IQCM: variants seen among roughly 807,000 people sequenced by gnomAD.
The protein encoded by IQCM is IQ domain-containing protein M.
IQCM carries 45 observed loss-of-function variants against 57.6 expected under a neutral mutation model. The ratio of observed to expected loss-of-function variants is 0.78; its 90% CI spans 0.62 to 1.00. IQCM has a LOEUF of 1.00. Ranked by LOEUF, IQCM falls within the 50% of genes least tolerant of loss-of-function variation. The pLI, the probability that IQCM is intolerant of heterozygous loss-of-function variation, is 0.00. For missense variants in IQCM, 468 were observed against 511.6 expected (o/e 0.91, Z 0.82); for synonymous variants, 148 against 158.9 (o/e 0.93, Z 0.51).
At chr4:149,659,066 CTT>C in intron 7 of IQCM, among the ~76,000 whole-genome samples, 1 of 152,026 alleles carries the variant, frequency 6.6e-6, no homozygotes, top group East Asian at 1.9e-4. Flanking sequence ...CTATTTGATT[CTT>C]CTCTCTTTTC....
chr4:149,662,001 G>T (rs1760264377), intron 7 of IQCM, among the ~76,000 whole-genome samples: 2 of 151,406 alleles, frequency 1.3e-5, no homozygotes, highest in South Asian at 2.1e-4. Context: ...AGTTTTTCTT[G>T]GTGTTTTTAG....
chr4:149,581,720 T>G (rs575418933), intron 9 of IQCM, among the ~76,000 whole-genome samples: 1 of 151,858 alleles, frequency 6.6e-6, no homozygotes, highest in South Asian at 2.1e-4. Context: ...TCATTTGAAA[T>G]ACTGTGTTTT....
At chr4:149,402,972 A>T (rs1170409972) in intron 13 of IQCM, among the ~76,000 whole-genome samples, 8 of 151,926 alleles carry the variant, frequency 5.3e-5, no homozygotes, top group Admixed American at 5.3e-4. Context: ...TCAGCATGGT[A>T]CTTGCATTTT....
intron 2 of IQCM, chr4:149,793,703 G>A (rs1772848303): frequency 2.0e-5 from 3 of 151,870 alleles, no homozygotes; most frequent in Admixed American, 1.3e-4. Context: ...CCAGCATTCA[G>A]TCCATGATAG....
chr4:149,813,884 A>T (rs1774817843), intron 2 of IQCM, among the ~76,000 whole-genome samples: 1 of 152,018 alleles, frequency 6.6e-6, no homozygotes, highest in Admixed American at 6.6e-5. Context: ...GGATTTTCTC[A>T]CAAGCTGATA....
rs149424008 is a variant in IQCM at position 149,422,210 on chromosome 4, C to G, written c.1390+11186G>C. 1.4e-4 allele frequency among the ~76,000 whole-genome samples: 21 copies of G among 151,986 alleles called. No homozygotes were observed. The East Asian group carries it at 3.9e-3, about 28-fold the overall frequency. On this transcript the variant is annotated intron_variant, in intron 13 of 13. Coordinates refer to ENST00000636793, the MANE Select transcript of IQCM (RefSeq NM_001363507.2). ...AGATTTCAGAATGAAGTGCTATTTC[C>G]TACTACTTAATATGTGTAGTTGGAA...
chr4:149,487,386 C>T (rs1277045518), intron 12 of IQCM, among the ~76,000 whole-genome samples: 3 of 152,146 alleles, frequency 2.0e-5, no homozygotes, highest in Non-Finnish European at 4.4e-5. Context: ...AACTACACTG[C>T]CTGGGATTGG....
intron 12 of IQCM, among the ~76,000 whole-genome samples, chr4:149,476,772 G>C (rs1313570751): frequency 3.9e-5 from 6 of 152,040 alleles, no homozygotes; most frequent in African/African-American, 1.2e-4. Flanking sequence ...TTAGGAGTCA[G>C]GTATAGGAAA....
At chr4:149,547,718 T>C (rs1233514636) in intron 12 of IQCM, among the ~76,000 whole-genome samples, 2 of 152,204 alleles carry the variant, frequency 1.3e-5, no homozygotes, top group Admixed American at 6.5e-5. Context: ...ATTAATTTGA[T>C]TGTAGTAGTC....
intron 9 of IQCM, among the ~76,000 whole-genome samples, chr4:149,579,120 C>T (rs760339440): frequency 2.6e-5 from 4 of 151,710 alleles, no homozygotes; most frequent in East Asian, 2.0e-4. Context: ...CCTCCTTGGA[C>T]GATTTTCTTC....
At chr4:149,621,026 A>G (rs897912418) in intron 8 of IQCM, 103 bp downstream of exon 8, 5 of 451,418 alleles carry the variant, frequency 1.1e-5, no homozygotes, top group Admixed American at 8.8e-5. Flanking sequence ...TTAGGACTGA[A>G]ACAGGTCCAT....
chr4:149,393,492 TAGTGGATAAGAATTTTTAAGAAC>T (rs1732008000), intron 13 of IQCM, among the ~76,000 whole-genome samples: 1 of 151,844 alleles, frequency 6.6e-6, no homozygotes, highest in African/African-American at 2.4e-5. Context: ...TTCTAAAAAA[TAGTGGATAAGAATTTTTAAGAAC>T]ATAAAGATAT....
intron 12 of IQCM, among the ~76,000 whole-genome samples, chr4:149,475,017 T>C (rs978191639): frequency 2.6e-5 from 4 of 152,162 alleles, no homozygotes; most frequent in Non-Finnish European, 5.9e-5. Context: ...CTTACTCAGC[T>C]GAATGAGAAA....
At chr4:149,624,643 A>C (rs1756642523) in intron 7 of IQCM, among the ~76,000 whole-genome samples, 1 of 152,190 alleles carries the variant, frequency 6.6e-6, no homozygotes, top group African/African-American at 2.4e-5. Context: ...AACAATCCCC[A>C]CATCTATAAT....
At chr4:149,607,887 C>T (rs1754935674) in intron 8 of IQCM, among the ~76,000 whole-genome samples, 1 of 151,488 alleles carries the variant, frequency 6.6e-6, no homozygotes, top group Admixed American at 6.6e-5. Flanking sequence ...AAAAAGGAGA[C>T]AAATAACAAA....
intron 13 of IQCM, among the ~76,000 whole-genome samples, chr4:149,399,509 T>C (rs958917474): frequency 2.6e-5 from 4 of 151,980 alleles, no homozygotes; most frequent in African/African-American, 4.8e-5. Flanking sequence ...GTTATAGAGC[T>C]CTGCCTCAAA....
intron 5 of IQCM, among the ~76,000 whole-genome samples, chr4:149,687,066 T>C (rs536677424): frequency 1.3e-5 from 2 of 151,774 alleles, no homozygotes; most frequent in East Asian, 3.9e-4. Flanking sequence ...AATATATAGT[T>C]TGAAATATTA....
At chr4:149,362,713 G>A (rs750609314) in intron 13 of IQCM, among the ~76,000 whole-genome samples, 3 of 152,104 alleles carry the variant, frequency 2.0e-5, no homozygotes, top group Non-Finnish European at 4.4e-5. Flanking sequence ...GCTAAAAACA[G>A]ACTAATACAA....
At chr4:149,808,172 C>T (rs555047034) in intron 2 of IQCM, among the ~76,000 whole-genome samples, 15 of 152,204 alleles carry the variant, frequency 9.9e-5, no homozygotes, top group African/African-American at 3.1e-4. Flanking sequence ...AACCTAAGTG[C>T]TCATCAGTGG....
Sources: gnomAD v4.1 joint callset for allele counts (sites outside exome capture counted in the v4.1 genomes callset) on GRCh38, gnomAD v4.1.1 for gene constraint, MANE v1.5 for transcripts, NCBI Gene and HGNC (gene_info 2026-07-23, HGNC 2026-07-21) for gene names.